The following NRXN1 variants were observed in gnomAD, a reference collection of about 807,000 sequenced individuals.
NRXN1 encodes neurexin-1.
NRXN1 carries 39 observed loss-of-function variants against 150.9 expected under a neutral mutation model. The ratio of observed to expected loss-of-function variants is 0.26; its 90% CI spans 0.20 to 0.34. The LOEUF (loss-of-function observed/expected upper bound fraction) is 0.34, where lower values mean the gene tolerates loss of function less well. NRXN1 is among the 10% of genes least tolerant of loss of function. The pLI, the probability that NRXN1 is intolerant of heterozygous loss-of-function variation, is 1.00. For missense variants in NRXN1, 1,815 were observed against 1,949.9 expected (o/e 0.93, Z 1.30); for synonymous variants, 924 against 757.0 (o/e 1.22, Z -3.62).
intron 19 of NRXN1, among the ~76,000 whole-genome samples, chr2:50,083,786 C>A (rs1159055687): frequency 2.0e-5 from 3 of 152,090 alleles, no homozygotes; most frequent in East Asian, 3.9e-4. Context: ...ACGTTCTCCA[C>A]CTCCCCACTA....
At chr2:50,823,677 G>A (rs1670046465) in intron 5 of NRXN1, among the ~76,000 whole-genome samples, 1 of 152,088 alleles carries the variant, frequency 6.6e-6, no homozygotes, top group Non-Finnish European at 1.5e-5. Context: ...GCTTCTAGAA[G>A]ACAAATAATG....
chr2:50,370,784 C>T (rs1329373040), intron 17 of NRXN1, among the ~76,000 whole-genome samples: 4 of 151,920 alleles, frequency 2.6e-5, no homozygotes, highest in East Asian at 3.9e-4. Context: ...TTAGCGAACA[C>T]GAATTCAAAA....
chr2:50,288,610 G>A (rs2072501680), intron 17 of NRXN1, among the ~76,000 whole-genome samples: 1 of 152,116 alleles, frequency 6.6e-6, no homozygotes, highest in East Asian at 1.9e-4. Flanking sequence ...AGGTGAATGA[G>A]GAGCAAAATC....
chr2:50,685,541 A>T (rs1308163967), intron 5 of NRXN1, among the ~76,000 whole-genome samples: 4 of 151,848 alleles, frequency 2.6e-5, no homozygotes, highest in Admixed American at 6.6e-5. Context: ...TTTCATTTGG[A>T]TTCATCACTT....
chr2:50,878,982 G>A (rs909590818), intron 5 of NRXN1, among the ~76,000 whole-genome samples: 1 of 151,866 alleles, frequency 6.6e-6, no homozygotes. Flanking sequence ...TTTGTTTTAT[G>A]TGCCAACTTG....
At chr2:50,501,264 G>C (rs1181528869) in intron 13 of NRXN1, among the ~76,000 whole-genome samples, 2 of 152,162 alleles carry the variant, frequency 1.3e-5, no homozygotes, top group Non-Finnish European at 2.9e-5. Context: ...CTGGGAACAA[G>C]TAGGTTAGTG....
At chr2:50,124,567 AG>A (rs1258135038) in intron 18 of NRXN1, among the ~76,000 whole-genome samples, 4 of 152,146 alleles carry the variant, frequency 2.6e-5, no homozygotes, top group Non-Finnish European at 5.9e-5. Context: ...TATTCACCAT[AG>A]CAGCAACATA....
At chr2:50,772,014 G>A (rs181528524) in intron 5 of NRXN1, among the ~76,000 whole-genome samples, 91 of 152,082 alleles carry the variant, frequency 6.0e-4, no homozygotes, top group African/African-American at 1.9e-3. Flanking sequence ...AAACTTTACC[G>A]TCTCCCAAAA....
rs1191861869 is a variant in NRXN1, at chr2:50,872,364, T to G, written c.832+49505A>C. ...CTGGTGGAGTGCAGATATACGTTGT[T>G]GAGCTGAGGGTTGAGGAGTGTGGAG... On this transcript the variant is annotated intron_variant, in intron 5 of 22. Transcript: ENST00000401669. Among the ~76,000 whole-genome samples the G allele has an allele frequency of 2.6e-5, 4 of 151,678 alleles. No individual in the cohort carries two copies. The East Asian group carries it at 7.8e-4, about 30-fold the overall frequency.
At chr2:51,022,455 A>G (rs1302205655) in intron 2 of NRXN1, among the ~76,000 whole-genome samples, 2 of 152,120 alleles carry the variant, frequency 1.3e-5, no homozygotes, top group Non-Finnish European at 2.9e-5. Context: ...AAAATAATAT[A>G]TTTGACTTTA....
At chr2:50,459,077 G>GCAA in intron 17 of NRXN1, among the ~76,000 whole-genome samples, 1 of 151,916 alleles carries the variant, frequency 6.6e-6, no homozygotes, top group South Asian at 2.1e-4. Flanking sequence ...CACTAGCTAG[G>GCAA]CATATCCACA....
intron 7 of NRXN1, 153 bp downstream of exon 7, chr2:50,621,073 A>G: frequency 1.7e-6 from 1 of 592,178 alleles, no homozygotes; most frequent in South Asian, 3.1e-5. Context: ...ACAACAGATG[A>G]AAAGAAGGAG....
intron 2 of NRXN1, among the ~76,000 whole-genome samples, chr2:50,965,481 T>C (rs1272940797): frequency 6.6e-6 from 1 of 151,570 alleles, no homozygotes; most frequent in African/African-American, 2.4e-5. Context: ...ATAATAATTT[T>C]CAAACTGATG....
In NRXN1 at chr2:50,355,430, C is replaced by T. The variant is rs1056749560; in HGVS notation, c.3364+110012G>A. Among the ~76,000 whole-genome samples, 9 of 151,968 alleles carry T rather than the reference C, an allele frequency of 5.9e-5. No individual in the cohort carries two copies. The East Asian group carries it at 1.7e-3, about 29-fold the overall frequency. On this transcript the variant is annotated intron_variant, in intron 17 of 22. Transcript: ENST00000401669. The stretch of plus-strand genomic sequence containing the variant: ...AAATTCTGTAGCATGTTATATTAAG[C>T]CCTTTAAAATGTGCCTCCATGCCTC...
intron 17 of NRXN1, among the ~76,000 whole-genome samples, chr2:50,242,927 C>T (rs1420861699): frequency 6.6e-6 from 1 of 151,626 alleles, no homozygotes; most frequent in Non-Finnish European, 1.5e-5. Flanking sequence ...ATGGTTTAGG[C>T]ACAGGTCCCA....
intron 17 of NRXN1, among the ~76,000 whole-genome samples, chr2:50,288,807 G>A (rs1188228058): frequency 6.6e-6 from 1 of 152,162 alleles, no homozygotes; most frequent in East Asian, 1.9e-4. Flanking sequence ...TTCAAGATGA[G>A]ATTTGGGTGG....
At chr2:50,494,922 T>C (rs1183948291) in intron 15 of NRXN1, among the ~76,000 whole-genome samples, 2 of 151,864 alleles carry the variant, frequency 1.3e-5, no homozygotes, top group South Asian at 2.1e-4. Flanking sequence ...TCCCAGCTAC[T>C]TGGGAGGCTG....
intron 18 of NRXN1, among the ~76,000 whole-genome samples, chr2:50,161,479 T>C (rs1413181792): frequency 3.9e-5 from 6 of 152,150 alleles, no homozygotes; most frequent in African/African-American, 1.4e-4. Flanking sequence ...TGTCACTGAG[T>C]ATACTTCTTG....
At chr2:50,528,491 T>C (rs892514031) in intron 12 of NRXN1, 134 bp downstream of exon 12, 2 of 622,212 alleles carry the variant, frequency 3.2e-6, no homozygotes, top group African/African-American at 2.0e-5. Context: ...ACCCAGATGA[T>C]GGACTGGTAT....
Sources: allele counts gnomAD v4.1 joint callset (sites outside exome capture counted in the v4.1 genomes callset), GRCh38; gene constraint gnomAD v4.1.1; transcripts MANE v1.5; gene names NCBI Gene and HGNC (gene_info 2026-07-23, HGNC 2026-07-21).